Variants in CELF2 observed in about 807,000 individuals in gnomAD.
CELF2 encodes the protein CUG triplet repeat RNA-binding protein 2.
Under a neutral mutation model 62.6 loss-of-function variants are expected in CELF2, and 8 were observed. The observed-to-expected ratio is 0.13, with a 90% confidence interval of 0.07 to 0.23. CELF2 has a LOEUF of 0.23. Among genes scored for constraint, CELF2 ranks in the 10% least tolerant of loss-of-function variants. The probability of loss-of-function intolerance (pLI) is 1.00; values close to 1 mark genes in which losing one functional copy is unlikely to be tolerated. For missense variants in CELF2, 333 were observed against 671.0 expected, an observed-to-expected ratio of 0.50 and a Z score of 5.56; for synonymous variants, 258 against 250.0, an observed-to-expected ratio of 1.03 and a Z score of -0.30.
At chr10:11,209,987 A>G (rs1319749041) in intron 2 of CELF2, among the ~76,000 whole-genome samples, 1 of 152,160 alleles carries the variant, frequency 6.6e-6, no homozygotes, top group Non-Finnish European at 1.5e-5. Context: ...AAATGCACAT[A>G]CAAAAGAGAG....
chr10:11,223,954 T>C lies in CELF2; in HGVS notation c.354+6447T>C. ...TACACACTACCTGAATAGCAGGTTG[T>C]TTTGGTTTTGGCTGGCAGTCTGTTG... is the stretch of plus-strand genomic sequence containing the variant. On this transcript the variant is annotated intron_variant, in intron 3 of 12. Transcript: ENST00000633077. This position sits in a 1 kb window ranked among gnomAD's most constrained non-coding sequence, Gnocchi z 5.1. Among the ~76,000 whole-genome samples the C allele has an allele frequency of 6.6e-6, 1 of 152,232 alleles. No homozygotes were observed. Among genetic ancestry groups the C allele is most frequent in the Middle Eastern group, 3.2e-3 (1 of 316 alleles).
intron 1 of CELF2, among the ~76,000 whole-genome samples, chr10:10,825,194 TTTTTTTG>T (rs1367998237): frequency 1.3e-5 from 2 of 151,952 alleles, no homozygotes; most frequent in African/African-American, 2.4e-5. Context: ...TTTGTTGTTG[TTTTTTTG>T]TTTTTTGTTT....
Position 11,190,775 on chromosome 10 carries a change from TAAA to T in CELF2, c.271+25119_271+25121del, listed in dbSNP as rs11301213. On this transcript the variant is annotated intron_variant, in intron 2 of 12. Coordinates refer to ENST00000633077, the MANE Select transcript of CELF2 (RefSeq NM_001326342.2). ...GGCTGGGTTTTGTATCTCTTTTCTT[TAAA>T]AAAAAAAAAAAAAAAAAAAAAAAAA... Among the ~76,000 whole-genome samples, 383 of 53,968 alleles carry T rather than the reference TAAA, an allele frequency of 7.1e-3. 3 individuals carry two copies. The highest frequency in any genetic ancestry group is 0.032 in the Middle Eastern group (2 of 62). The allele number at this position is 53,968 out of a possible 152,430, so 35.4% of individuals were successfully genotyped here. A position where few individuals can be genotyped will look rare whatever the true frequency, so the allele number is the denominator to read the frequency against.
At chr10:11,232,436 GA>G (rs1231745707) in intron 3 of CELF2, among the ~76,000 whole-genome samples, 2 of 152,036 alleles carry the variant, frequency 1.3e-5, no homozygotes, top group Admixed American at 6.6e-5. Context: ...ATCTTGGGGG[GA>G]AAAAATAGAA....
intron 1 of CELF2, among the ~76,000 whole-genome samples, chr10:11,150,127 C>T (rs2063050364): frequency 6.6e-6 from 1 of 152,282 alleles, no homozygotes; most frequent in East Asian, 1.9e-4. Flanking sequence ...TCATTGTTGT[C>T]TTTACTAACA....
At chr10:10,702,003 GAT>G in the CELF2 span, among the ~76,000 whole-genome samples, 1 of 152,130 alleles carries the variant, frequency 6.6e-6, no homozygotes, top group African/African-American at 2.4e-5. Context: ...CAGCGGTACC[GAT>G]ATTCCCAAAT....
At chr10:10,783,769 G>A in the CELF2 span, among the ~76,000 whole-genome samples, 4 of 152,212 alleles carry the variant, frequency 2.6e-5, no homozygotes, top group South Asian at 2.1e-4. Flanking sequence ...GGCAGATCAC[G>A]GCATCAAGAG....
the CELF2 span, among the ~76,000 whole-genome samples, chr10:10,598,649 T>C: frequency 6.6e-6 from 1 of 151,636 alleles, no homozygotes; most frequent in Non-Finnish European, 1.5e-5. Flanking sequence ...TTAGATTTGA[T>C]AACTGAAACT....
Position 11,229,254 on chromosome 10 carries a change from A to G in CELF2, c.354+11747A>G, listed in dbSNP as rs113453251. 7.2e-5 allele frequency among the ~76,000 whole-genome samples: 11 copies of G among 152,228 alleles called. 1 individual carries two copies. The highest frequency in any genetic ancestry group is 2.6e-4 in the African/African-American group (11 of 41,544). Reference sequence around the variant, plus strand: ...AAAGAATCAGAAATCCAGAATCCAAATTTCCAGTCTGTGTGTAGCATTTCA... The same window carrying G: ...AAAGAATCAGAAATCCAGAATCCAAGTTTCCAGTCTGTGTGTAGCATTTCA... On this transcript the variant is annotated intron_variant, in intron 3 of 12. Coordinates refer to ENST00000633077, the MANE Select transcript of CELF2 (RefSeq NM_001326342.2).
chr10:10,897,081 C>T (rs1056626969), intron 1 of CELF2, among the ~76,000 whole-genome samples: 22 of 152,108 alleles, frequency 1.4e-4, no homozygotes, highest in Admixed American at 3.3e-4. Flanking sequence ...CCTAGAATTC[C>T]TTGAAGAGAT....
At chr10:10,759,720 AGC>A in the CELF2 span, among the ~76,000 whole-genome samples, 4 of 152,120 alleles carry the variant, frequency 2.6e-5, no homozygotes, top group Non-Finnish European at 4.4e-5. Context: ...TGATTCTTCT[AGC>A]AGTTTTATAA....
At chr10:10,785,123 C>T in the CELF2 span, among the ~76,000 whole-genome samples, 6 of 152,324 alleles carry the variant, frequency 3.9e-5, no homozygotes, top group Non-Finnish European at 7.4e-5. Flanking sequence ...GCATTTCACT[C>T]AAGTTTGAGT....
At chr10:10,486,610 C>T in the CELF2 span, among the ~76,000 whole-genome samples, 193 of 152,260 alleles carry the variant, frequency 1.3e-3, no homozygotes, top group African/African-American at 4.5e-3. Context: ...CCTGATTGAG[C>T]ACTCCAAACC....
chr10:10,914,289 G>T (rs986964974), intron 1 of CELF2, among the ~76,000 whole-genome samples: 3 of 152,102 alleles, frequency 2.0e-5, no homozygotes, highest in Non-Finnish European at 2.9e-5. Flanking sequence ...TTGGAAACTG[G>T]CAGAGGCTGC....
intron 1 of CELF2, among the ~76,000 whole-genome samples, chr10:11,028,591 T>G (rs1020788437): frequency 2.8e-4 from 42 of 151,342 alleles, no homozygotes; most frequent in Non-Finnish European, 5.7e-4. Flanking sequence ...TGCTAATTTT[T>G]TGTATTTTTA....
At chr10:10,735,904 A>C in the CELF2 span, among the ~76,000 whole-genome samples, 1 of 152,178 alleles carries the variant, frequency 6.6e-6, no homozygotes, top group Non-Finnish European at 1.5e-5. Context: ...ATTACTAGCC[A>C]CTGTATCTTC....
chr10:11,180,372 A>C (rs1358315832), intron 2 of CELF2, among the ~76,000 whole-genome samples: 1 of 152,140 alleles, frequency 6.6e-6, no homozygotes, highest in Non-Finnish European at 1.5e-5. Context: ...ACCTAGACTA[A>C]GGGTTGACTT....
chr10:10,987,173 A>T (rs2136556022), intron 2 of CELF2, among the ~76,000 whole-genome samples: 1 of 152,314 alleles, frequency 6.6e-6, no homozygotes, highest in Admixed American at 6.5e-5. Context: ...CTCAATTCCA[A>T]AACTCCAACA....
the CELF2 span, among the ~76,000 whole-genome samples, chr10:10,539,961 T>A: frequency 6.6e-6 from 1 of 152,300 alleles, no homozygotes; most frequent in South Asian, 2.1e-4. Context: ...TTCTAGTGAA[T>A]CTTCGGGAAC....
Sources: gnomAD v4.1 joint callset for allele counts (sites outside exome capture counted in the v4.1 genomes callset) on GRCh38, gnomAD v4.1.1 for gene constraint, Gnocchi (gnomAD v3.1) non-coding constraint, MANE v1.5 for transcripts, NCBI Gene and HGNC (gene_info 2026-07-23, HGNC 2026-07-21) for gene names.